The following MEIS1 variants were observed in gnomAD, a reference collection of about 807,000 sequenced individuals.
The protein encoded by MEIS1 is homeobox protein Meis1.
In MEIS1, 5 loss-of-function variants were observed where a neutral mutation model predicts 50.8. The ratio of observed to expected loss-of-function variants is 0.10; its 90% CI spans 0.05 to 0.21. The LOEUF (loss-of-function observed/expected upper bound fraction) is 0.21, where lower values mean the gene tolerates loss of function less well. Ranked by LOEUF, MEIS1 falls within the 10% of genes least tolerant of loss-of-function variation. The pLI is 1.00. For synonymous variants in MEIS1, 176 were observed against 179.3 expected, an observed-to-expected ratio of 0.98 and a Z score of 0.15; for missense variants, 318 against 517.3, an observed-to-expected ratio of 0.61 and a Z score of 3.74.
intron 6 of MEIS1, among the ~76,000 whole-genome samples, chr2:66,455,124 C>G (rs74970708): frequency 0.011 from 1,611 of 152,186 alleles, 10 homozygotes; most frequent in Non-Finnish European, 0.014. Flanking sequence ...AACATAGATA[C>G]TTTTACTAAG....
chr2:66,493,111 A>G (rs758668334), intron 7 of MEIS1, among the ~76,000 whole-genome samples: 1 of 152,242 alleles, frequency 6.6e-6, no homozygotes, highest in African/African-American at 2.4e-5. Context: ...ATGATATTCA[A>G]ACTTTAAATT....
At chr2:66,438,513 G>C (rs1394494652) in intron 2 of MEIS1, among the ~76,000 whole-genome samples, 1 of 152,234 alleles carries the variant, frequency 6.6e-6, no homozygotes, top group Non-Finnish European at 1.5e-5. Context: ...CTGAAGTCAA[G>C]GAGAGGAGCT....
chr2:66,563,390 G>A (rs980299947), intron 9 of MEIS1, among the ~76,000 whole-genome samples: 2 of 151,664 alleles, frequency 1.3e-5, no homozygotes, highest in Non-Finnish European at 2.9e-5. Context: ...ATATATATTT[G>A]TGTTCATACA....
chr2:66,487,801 A>T (rs934478091), intron 7 of MEIS1, among the ~76,000 whole-genome samples: 2 of 152,244 alleles, frequency 1.3e-5, no homozygotes, highest in African/African-American at 4.8e-5. Flanking sequence ...AACGACTGAA[A>T]TTCTAAGAAC....
At chr2:66,448,441 A>G (rs2103705592) in intron 6 of MEIS1, among the ~76,000 whole-genome samples, 1 of 152,282 alleles carries the variant, frequency 6.6e-6, no homozygotes, top group African/African-American at 2.4e-5. Context: ...CTAAAGTATT[A>G]CCATGAGGCC....
chr2:66,461,371 T>G (rs1010238055), intron 6 of MEIS1, among the ~76,000 whole-genome samples: 5 of 152,236 alleles, frequency 3.3e-5, no homozygotes, highest in Admixed American at 2.6e-4. Context: ...TTTCTGATAC[T>G]TAGACTTTAA....
chr2:66,477,524 T>C (rs1672922021), intron 7 of MEIS1, among the ~76,000 whole-genome samples: 1 of 152,170 alleles, frequency 6.6e-6, no homozygotes, highest in Non-Finnish European at 1.5e-5. Context: ...TTCCTGAGGA[T>C]GGCTTGCAGA....
intron 8 of MEIS1, among the ~76,000 whole-genome samples, chr2:66,515,610 A>G (rs1243533990): frequency 6.6e-6 from 1 of 152,144 alleles, no homozygotes; most frequent in Non-Finnish European, 1.5e-5. Flanking sequence ...AATAAAAGAA[A>G]AAGGAAACGA....
chr2:66,459,714 G>A (rs543850649), intron 6 of MEIS1, among the ~76,000 whole-genome samples: 37 of 152,240 alleles, frequency 2.4e-4, no homozygotes, highest in African/African-American at 6.7e-4. Flanking sequence ...GAGAGAGAGC[G>A]TATGAATGGC....
Position 66,571,956 on chromosome 2 carries a change from G to T in MEIS1, c.*748G>T, listed in dbSNP as rs1675496682. On this transcript the variant is annotated 3_prime_UTR_variant, in exon 13 of 13. Transcript: ENST00000272369. The stretch of plus-strand genomic sequence containing the variant: ...TTTAGAGCATTAAAATAACTATCAG[G>T]CAGAAGAATCTTTCTTCTCGCCTAG... The T allele has an allele frequency of 5.8e-6, 1 of 171,286 alleles. No individual in the cohort carries two copies. Among genetic ancestry groups the T allele is most frequent in the South Asian group, 1.6e-4 (1 of 6,440 alleles). 10.6% of individuals were successfully genotyped at this position (171,286 alleles called of 1,614,324 possible).
At chr2:66,472,394 T>C (rs1453069658) in intron 7 of MEIS1, among the ~76,000 whole-genome samples, 1 of 152,194 alleles carries the variant, frequency 6.6e-6, no homozygotes, top group Admixed American at 6.5e-5. Flanking sequence ...AAGCGGGGGA[T>C]GGGAATGTAA....
chr2:66,546,531 G>A (rs1674796423), intron 8 of MEIS1, among the ~76,000 whole-genome samples: 6 of 152,232 alleles, frequency 3.9e-5, no homozygotes, highest in East Asian at 1.9e-4. Context: ...ACTGACTTAT[G>A]TCTGCCTCTG....
intron 8 of MEIS1, among the ~76,000 whole-genome samples, chr2:66,513,658 A>T (rs1673887283): frequency 6.6e-6 from 1 of 152,054 alleles, no homozygotes; most frequent in Admixed American, 6.6e-5. Flanking sequence ...CAGTATCTAG[A>T]CTACACTACA....
chr2:66,507,434 C>G (rs965107174), intron 7 of MEIS1, among the ~76,000 whole-genome samples: 3 of 152,210 alleles, frequency 2.0e-5, no homozygotes, highest in Admixed American at 6.5e-5. Flanking sequence ...CACAACCTTA[C>G]ACGTTCATTT....
chr2:66,495,058 T>A (rs369169665), intron 7 of MEIS1, among the ~76,000 whole-genome samples: 14 of 146,924 alleles, frequency 9.5e-5, no homozygotes, highest in African/African-American at 3.5e-4. Context: ...AGATTCAGAA[T>A]GCCCACTTTC....
At chr2:66,497,979 T>A (rs765394677) in intron 7 of MEIS1, among the ~76,000 whole-genome samples, 2 of 151,940 alleles carry the variant, frequency 1.3e-5, no homozygotes, top group Admixed American at 1.3e-4. Context: ...TTACAAGGCT[T>A]TTTTTGGGGG....
chr2:66,453,459 A>G (rs1216839104), intron 6 of MEIS1, among the ~76,000 whole-genome samples: 1 of 151,866 alleles, frequency 6.6e-6, no homozygotes, highest in Non-Finnish European at 1.5e-5. Flanking sequence ...AATATAGAAA[A>G]CTTGACCGTT....
chr2:66,567,579 A>AGT (rs1675380121), intron 10 of MEIS1, 68 bp downstream of exon 10: 2 of 1,456,622 alleles, frequency 1.4e-6, no homozygotes, highest in Non-Finnish European at 9.6e-7. Flanking sequence ...ATTCACCGGG[A>AGT]GGTCCGCTAC....
chr2:66,536,568 T>G (rs1417281609), intron 8 of MEIS1, among the ~76,000 whole-genome samples: 1 of 152,224 alleles, frequency 6.6e-6, no homozygotes, highest in Non-Finnish European at 1.5e-5. Flanking sequence ...TACTGATTTT[T>G]TTTTCTTAAA....
Sources: gnomAD v4.1 joint callset for allele counts (sites outside exome capture counted in the v4.1 genomes callset) on GRCh38, gnomAD v4.1.1 for gene constraint, MANE v1.5 for transcripts, NCBI Gene and HGNC (gene_info 2026-07-23, HGNC 2026-07-21) for gene names.